Variants in ZBTB40 observed in about 807,000 individuals in gnomAD.
ZBTB40 encodes the protein zinc finger and BTB domain containing 40, also known as zinc finger and BTB domain-containing protein 40.
Under a neutral mutation model 117.5 loss-of-function variants are expected in ZBTB40, and 60 were observed. The observed-to-expected ratio is 0.51, with a 90% CI of 0.41 to 0.63. The LOEUF (loss-of-function observed/expected upper bound fraction) is 0.63, where lower values mean the gene tolerates loss of function less well. Among genes scored for constraint, ZBTB40 ranks in the 30% least tolerant of loss-of-function variants. The probability of loss-of-function intolerance (pLI) is 0.00; values close to 1 mark genes in which losing one functional copy is unlikely to be tolerated. For missense variants in ZBTB40, 1,287 were observed against 1,498.5 expected, an observed-to-expected ratio of 0.86 and a Z score of 2.33; for synonymous variants, 525 against 577.1, an observed-to-expected ratio of 0.91 and a Z score of 1.29.
At position 22,528,610 on chromosome 1, in the gene ZBTB40, C is replaced by T. The variant is rs1178139996; in HGVS notation, c.*2214C>T. The stretch of plus-strand genomic sequence containing the variant: ...ACAGTGGCACGATCTTGGCTCACTG[C>T]AACCTCTGCGGGCTCACGCAATCCT... On this transcript the variant is annotated 3_prime_UTR_variant, in exon 18 of 18. Transcript: ENST00000375647. 6.6e-6 allele frequency: 1 copy of T among 152,228 alleles called. No individual in the cohort carries two copies. Among genetic ancestry groups the T allele is most frequent in the Non-Finnish European group, 1.5e-5 (1 of 68,060 alleles). The allele number at this position is 152,228 out of a possible 1,614,324, so 9.4% of individuals were successfully genotyped here.
chr1:22,480,391 G>T (rs1398410790), intron 1 of ZBTB40, among the ~76,000 whole-genome samples: 3 of 152,044 alleles, frequency 2.0e-5, no homozygotes, highest in Non-Finnish European at 4.4e-5. Flanking sequence ...TTTGCCTTCT[G>T]TTTCAAAGGT....
intron 1 of ZBTB40, among the ~76,000 whole-genome samples, chr1:22,485,016 T>C (rs1166835771): frequency 6.6e-6 from 1 of 152,208 alleles, no homozygotes; most frequent in Non-Finnish European, 1.5e-5. Context: ...TGATGTATAA[T>C]TCTCTTTAGG....
At chr1:22,438,122 C>T (rs1226918473) in intron 1 of ZBTB40, among the ~76,000 whole-genome samples, 1 of 152,054 alleles carries the variant, frequency 6.6e-6, no homozygotes, top group Non-Finnish European at 1.5e-5. Context: ...AAGAGTGAAA[C>T]TCCATCTCGA....
At chr1:22,429,240 G>C (rs1569724649) in intron 1 of ZBTB40, among the ~76,000 whole-genome samples, 2 of 152,096 alleles carry the variant, frequency 1.3e-5, no homozygotes, top group East Asian at 3.9e-4. Flanking sequence ...AAATTAGCCG[G>C]GCGTGGTGGC....
chr1:22,509,013 A>G, intron 8 of ZBTB40, 87 bp from the exon 9 acceptor site: 2 of 1,606,766 alleles, frequency 1.2e-6, no homozygotes, highest in East Asian at 2.2e-5. Flanking sequence ...ATGCATTTTC[A>G]TTATGAAGAG....
intron 17 of ZBTB40, among the ~76,000 whole-genome samples, chr1:22,525,927 T>C (rs188782745): frequency 3.9e-5 from 6 of 152,200 alleles, no homozygotes; most frequent in Admixed American, 3.9e-4. Flanking sequence ...ACAGAGCCAG[T>C]GTTCGCTGGT....
chr1:22,494,054 C>T (rs1045269566), intron 3 of ZBTB40, among the ~76,000 whole-genome samples: 9 of 152,132 alleles, frequency 5.9e-5, no homozygotes, highest in African/African-American at 1.7e-4. Flanking sequence ...ATATAAAACT[C>T]ATAGTAAAAT....
At chr1:22,457,710 T>A (rs1381600752) in intron 1 of ZBTB40, among the ~76,000 whole-genome samples, 1 of 152,210 alleles carries the variant, frequency 6.6e-6, no homozygotes. Flanking sequence ...TTAGCTAGTG[T>A]TAGCTATAGT....
intron 12 of ZBTB40, among the ~76,000 whole-genome samples, chr1:22,516,566 C>A (rs1347167130): frequency 6.6e-6 from 1 of 152,114 alleles, no homozygotes; most frequent in Admixed American, 6.5e-5. Context: ...CTAACAGAGT[C>A]TTATTTTGCA....
chr1:22,458,096 C>T (rs549111052), intron 1 of ZBTB40, among the ~76,000 whole-genome samples: 4 of 152,374 alleles, frequency 2.6e-5, no homozygotes, highest in African/African-American at 9.6e-5. Flanking sequence ...CTGTTGATTT[C>T]TTCTACCCTT....
chr1:22,521,618 C>T lies in ZBTB40; in HGVS notation c.3171C>T (p.Asn1057=), dbSNP rs755999273. The change falls in exon 15 of 18, where the codon AAC becomes AAT. Residue 1057 remains asparagine, a synonymous_variant. Coordinates refer to ENST00000375647, the MANE Select transcript of ZBTB40 (RefSeq NM_014870.4). ...QCSSCDKTFP[N]TIEHKKHIKA... ...GCTCCTGTGACAAAACCTTCCCCAA[C>T]ACCATTGAGCACAAGAAGCACATCA... The T allele has an allele frequency of 6.8e-6, 11 of 1,614,104 alleles. No individual in the cohort carries two copies. The highest frequency in any genetic ancestry group is 1.1e-5 in the South Asian group (1 of 91,088).
At chr1:22,431,384 G>GTGTGTGTGTGTATA (rs1222294324) in intron 1 of ZBTB40, among the ~76,000 whole-genome samples, 10 of 119,696 alleles carry the variant, frequency 8.4e-5, no homozygotes, top group African/African-American at 3.7e-4. Flanking sequence ...GTGTGTGTGT[G>GTGTGTGTGTGTATA]TATATATATA....
intron 15 of ZBTB40, 81 bp from the exon 16 acceptor site, chr1:22,522,296 A>G (rs1036441434): frequency 1.4e-6 from 2 of 1,388,138 alleles, no homozygotes; most frequent in Admixed American, 1.7e-5. Flanking sequence ...CATCGCCCCA[A>G]CCCCAGCCCT....
rs1452655883 is a variant in ZBTB40, at chr1:22,501,501, A to C, written c.841A>C (p.Lys281Gln). The C allele has an allele frequency of 6.2e-7, 1 of 1,614,040 alleles. No individual in the cohort carries two copies. Among genetic ancestry groups the C allele is most frequent in the Non-Finnish European group, 8.5e-7 (1 of 1,179,998 alleles). The stretch of plus-strand genomic sequence containing the variant: ...TACTTTTGTTCCATAGATGATAGTG[A>C]AATGTTTCGAGGGTGAAGGAGGACA... ...IKGPQKEMIVKCFEGEGGHSA... is the reference protein window; with the variant it reads ...IKGPQKEMIVQCFEGEGGHSA... The change falls in exon 4 of 18, where the codon AAA becomes CAA. Residue 281 changes from lysine (K) to glutamine (Q), a missense_variant. Lys to Gln is a moderately conservative substitution (Grantham distance 53). This residue lies in a region of ZBTB40 where 870 missense variants were observed against 934.4 expected (regional missense o/e 0.93). Coordinates refer to ENST00000375647, the MANE Select transcript of ZBTB40 (RefSeq NM_014870.4).
chr1:22,500,718 G>A (rs1192287352), intron 3 of ZBTB40, among the ~76,000 whole-genome samples: 2 of 152,188 alleles, frequency 1.3e-5, no homozygotes, highest in Non-Finnish European at 2.9e-5. Flanking sequence ...AAGAATCTGT[G>A]AAGCCCCTTC....
intron 1 of ZBTB40, among the ~76,000 whole-genome samples, chr1:22,472,527 A>T (rs1229503244): frequency 6.6e-6 from 1 of 152,172 alleles, no homozygotes; most frequent in Non-Finnish European, 1.5e-5. Flanking sequence ...CACAAAAGAG[A>T]ATACTAACCT....
intron 14 of ZBTB40, among the ~76,000 whole-genome samples, chr1:22,521,084 A>C (rs1179956367): frequency 6.6e-6 from 1 of 152,236 alleles, no homozygotes; most frequent in African/African-American, 2.4e-5. Flanking sequence ...GGAAGCCGTG[A>C]GATGCAGCTC....
At chr1:22,473,426 T>C (rs1641460886) in intron 1 of ZBTB40, among the ~76,000 whole-genome samples, 1 of 152,228 alleles carries the variant, frequency 6.6e-6, no homozygotes, top group African/African-American at 2.4e-5. Context: ...ATTTGTAAAT[T>C]GGGTTTAACT....
intron 12 of ZBTB40, among the ~76,000 whole-genome samples, 189 bp from the exon 13 acceptor site, chr1:22,517,111 C>T (rs972235103): frequency 1.2e-4 from 19 of 152,178 alleles, no homozygotes; most frequent in Admixed American, 1.0e-3. Context: ...TCCGTGTGAT[C>T]GGCTGTGTTT....
Sources: gnomAD v4.1 joint callset for allele counts (sites outside exome capture counted in the v4.1 genomes callset) on GRCh38, gnomAD v4.1.1 for gene constraint, gnomAD v4.1.1 regional missense constraint, MANE v1.5 for transcripts, NCBI Gene and HGNC (gene_info 2026-07-23, HGNC 2026-07-21) for gene names.